Variants in HDAC9 observed in about 807,000 individuals in gnomAD.
HDAC9 encodes the protein histone deacetylase 9, also known as MEF-2 interacting transcription repressor (MITR) protein.
A neutral mutation model predicts 139.4 loss-of-function variants in HDAC9; 41 were observed. That is an observed-to-expected ratio of 0.29 (90% CI 0.23 to 0.38). HDAC9 has a LOEUF of 0.38. Ranked by LOEUF, HDAC9 falls within the 10% of genes least tolerant of loss-of-function variation. HDAC9 has a pLI of 1.00. For synonymous variants in HDAC9, 517 were observed against 476.2 expected (o/e 1.09, Z -1.12); for missense variants, 1,147 against 1,297.0 (o/e 0.88, Z 1.78).
chr7:18,265,409 A>G (rs1795931835), intron 2 of HDAC9, among the ~76,000 whole-genome samples: 1 of 152,176 alleles, frequency 6.6e-6, no homozygotes, highest in African/African-American at 2.4e-5. Context: ...TTTATTTAGA[A>G]CGCCAGAGTA....
At chr7:18,442,054 G>A (rs1791825771) in intron 1 of HDAC9, among the ~76,000 whole-genome samples, 2 of 152,154 alleles carry the variant, frequency 1.3e-5, no homozygotes, top group African/African-American at 4.8e-5. Context: ...ACAGACGTGA[G>A]CCCCTGTGCC....
chr7:18,425,480 G>T lies in HDAC9; in HGVS notation c.-41-70782G>T, dbSNP rs547135259. Among the ~76,000 whole-genome samples the T allele has an allele frequency of 3.3e-5, 5 of 152,308 alleles. No individual in the cohort carries two copies. In the South Asian group the frequency reaches 1.0e-3, roughly 32 times the overall value. ...CGTGTTAGGGAGAGAGCTGCTATCT[G>T]ATATTCCACTGATGAAGCTTGTCAA... is the stretch of plus-strand genomic sequence containing the variant. On this transcript the variant is annotated intron_variant, in intron 1 of 3. Transcript: ENST00000413509.
intron 11 of HDAC9, among the ~76,000 whole-genome samples, chr7:18,649,480 C>A (rs1216115224): frequency 6.6e-6 from 1 of 152,038 alleles, no homozygotes; most frequent in Non-Finnish European, 1.5e-5. Flanking sequence ...AATTCTATTC[C>A]CTTGCCTTTG....
At chr7:18,243,097 T>G (rs1462381976) in intron 2 of HDAC9, among the ~76,000 whole-genome samples, 2 of 152,242 alleles carry the variant, frequency 1.3e-5, no homozygotes, top group Non-Finnish European at 2.9e-5. Context: ...TCTTTCTTTT[T>G]TCCCCACTAT....
chr7:18,432,822 G>A (rs1204878882), intron 1 of HDAC9, among the ~76,000 whole-genome samples: 1 of 152,000 alleles, frequency 6.6e-6, no homozygotes, highest in Admixed American at 6.6e-5. Flanking sequence ...ATGGTGGCAG[G>A]TGCCTGTAGT....
At chr7:18,110,989 T>C (rs766089199) in intron 1 of HDAC9, among the ~76,000 whole-genome samples, 2 of 152,142 alleles carry the variant, frequency 1.3e-5, no homozygotes, top group African/African-American at 4.8e-5. Flanking sequence ...TTTGCTGAGT[T>C]GTATTCTGTA....
chr7:18,405,019 C>T (rs2128738319), intron 1 of HDAC9, among the ~76,000 whole-genome samples: 2 of 152,296 alleles, frequency 1.3e-5, no homozygotes, highest in African/African-American at 4.8e-5. Context: ...TGTGGACACA[C>T]CAATTCACCG....
chr7:18,733,043 A>G (rs953953969), intron 13 of HDAC9, among the ~76,000 whole-genome samples: 8 of 146,420 alleles, frequency 5.5e-5, no homozygotes, highest in African/African-American at 1.5e-4. Context: ...ATACAGATAT[A>G]CATATATACA....
rs1430459179 is a variant in HDAC9, at chr7:18,997,454, T to C, written c.*1392T>C. ...CCTCCTAAAATTCGATTTCAACATA[T>C]AACTCAAACACCTAAACATATTGAG... is the stretch of plus-strand genomic sequence containing the variant. On this transcript the variant is annotated 3_prime_UTR_variant, in exon 26 of 26. Transcript: ENST00000686413. 1 of 152,172 alleles carries C rather than the reference T, an allele frequency of 6.6e-6. No homozygotes were observed. The highest frequency in any genetic ancestry group is 2.4e-5 in the African/African-American group (1 of 41,464). 9.4% of individuals were successfully genotyped at this position (152,172 alleles called of 1,614,324 possible). A position where few individuals can be genotyped will look rare whatever the true frequency, so the allele number is the denominator to read the frequency against.
At chr7:18,798,271 A>G (rs184158469) in intron 17 of HDAC9, among the ~76,000 whole-genome samples, 150 of 152,300 alleles carry the variant, frequency 9.8e-4, no homozygotes, top group African/African-American at 3.5e-3. Context: ...TAAGAGTTCA[A>G]AAATTCTTTT....
intron 1 of HDAC9, among the ~76,000 whole-genome samples, chr7:18,349,234 A>G (rs2128671247): frequency 6.6e-6 from 1 of 151,094 alleles, no homozygotes; most frequent in Non-Finnish European, 1.5e-5. Flanking sequence ...GTCTTGCCTT[A>G]GGTAAGCTGT....
intron 2 of HDAC9, among the ~76,000 whole-genome samples, chr7:18,175,768 AC>A (rs57980430): frequency 0.097 from 10,923 of 112,520 alleles, 769 homozygotes; most frequent in African/African-American, 0.22. Flanking sequence ...ATTATTTTTA[AC>A]CCCCCCCCCC....
intron 1 of HDAC9, among the ~76,000 whole-genome samples, chr7:18,104,063 T>C (rs1783029931): frequency 6.6e-6 from 1 of 152,000 alleles, no homozygotes; most frequent in Non-Finnish European, 1.5e-5. Flanking sequence ...CATGCACAGC[T>C]TTGGGATGTG....
At position 18,634,555 on chromosome 7, in the gene HDAC9, CAT is replaced by C; in HGVS notation, c.797-71_797-70del. Reference sequence around the variant, plus strand: ...GGGGAAAATAACATGCCCAATGTTACATGTTACAGTAACTAAAGTTCATCTAT... The same window carrying C: ...GGGGAAAATAACATGCCCAATGTTACGTTACAGTAACTAAAGTTCATCTAT... On this transcript the variant is annotated intron_variant, in intron 7 of 25. Coordinates refer to ENST00000686413, the MANE Select transcript of HDAC9 (RefSeq NM_178425.4). The C allele has an allele frequency of 3.4e-6, 3 of 888,826 alleles. No individual in the cohort carries two copies. In the East Asian group the frequency reaches 8.3e-5, roughly 25 times the overall value. 55.1% of individuals were successfully genotyped at this position (888,826 alleles called of 1,614,324 possible).
intron 22 of HDAC9, among the ~76,000 whole-genome samples, chr7:18,882,045 C>T (rs545289174): frequency 6.6e-5 from 10 of 152,132 alleles, no homozygotes; most frequent in South Asian, 2.1e-4. Flanking sequence ...GCTTCTGTGC[C>T]GTGTTTCAAA....
chr7:18,325,050 T>C (rs1282389708), intron 1 of HDAC9, among the ~76,000 whole-genome samples: 2 of 152,104 alleles, frequency 1.3e-5, no homozygotes, highest in African/African-American at 4.8e-5. Flanking sequence ...CTACATCTGT[T>C]TATGCACATT....
At chr7:18,200,503 T>C (rs1410139487) in intron 2 of HDAC9, among the ~76,000 whole-genome samples, 3 of 152,174 alleles carry the variant, frequency 2.0e-5, no homozygotes, top group African/African-American at 7.2e-5. Flanking sequence ...CTGGCTCAAA[T>C]GTTTCTTGGC....
chr7:18,480,073 C>T (rs369427827), intron 1 of HDAC9, among the ~76,000 whole-genome samples: 3 of 147,276 alleles, frequency 2.0e-5, no homozygotes, highest in South Asian at 4.3e-4. Flanking sequence ...CTGCTGCCAA[C>T]GAACTTTTTA....
intron 1 of HDAC9, among the ~76,000 whole-genome samples, chr7:18,355,871 T>C (rs1422166512): frequency 6.6e-6 from 1 of 152,128 alleles, no homozygotes; most frequent in South Asian, 2.1e-4. Context: ...GGCCTATCTA[T>C]AGATAAACAA....
Sources: gnomAD v4.1 joint callset for allele counts (sites outside exome capture counted in the v4.1 genomes callset) on GRCh38, gnomAD v4.1.1 for gene constraint, MANE v1.5 for transcripts, NCBI Gene and HGNC (gene_info 2026-07-23, HGNC 2026-07-21) for gene names.